PTPRD: variants seen among roughly 807,000 people sequenced by gnomAD.
PTPRD encodes the protein receptor-type tyrosine-protein phosphatase delta.
PTPRD carries 34 observed loss-of-function variants against 214.5 expected under a neutral mutation model. That is an observed-to-expected ratio of 0.16 (90% CI 0.12 to 0.21). The LOEUF is 0.21. Among genes scored for constraint, PTPRD ranks in the 10% least tolerant of loss-of-function variants. PTPRD has a pLI of 1.00. For missense variants in PTPRD, 2,545 were observed against 2,398.7 expected (o/e 1.06, Z -1.27); for synonymous variants, 1,128 against 845.7 (o/e 1.33, Z -5.79).
intron 10 of PTPRD, among the ~76,000 whole-genome samples, chr9:9,100,396 G>T (rs576216924): frequency 1.3e-5 from 2 of 152,220 alleles, no homozygotes; most frequent in East Asian, 3.9e-4. Context: ...AAATGTATCT[G>T]TAGTGACACA....
At chr9:9,825,384 G>A (rs1312858267) in intron 5 of PTPRD, among the ~76,000 whole-genome samples, 2 of 146,710 alleles carry the variant, frequency 1.4e-5, no homozygotes, top group Non-Finnish European at 3.0e-5. Context: ...CAGAGAGACA[G>A]AGAGAGAGAG....
At chr9:10,567,952 T>C (rs1333820127) in intron 2 of PTPRD, among the ~76,000 whole-genome samples, 2 of 151,494 alleles carry the variant, frequency 1.3e-5, no homozygotes, top group Non-Finnish European at 2.9e-5. Flanking sequence ...ATTTTATTTA[T>C]TTGTTATTTT....
chr9:8,959,271 G>A (rs2099147010), intron 11 of PTPRD, among the ~76,000 whole-genome samples: 1 of 152,020 alleles, frequency 6.6e-6, no homozygotes, highest in Non-Finnish European at 1.5e-5. Context: ...ACAGCAGGAT[G>A]CTATGGAAAC....
In PTPRD at chr9:8,485,301, T is replaced by G. The variant is rs1357554274; in HGVS notation, c.3079A>C (p.Lys1027Gln). ...DQVFAKNFHVKAVMKTSVLLS... is the reference protein window; with the variant it reads ...DQVFAKNFHVQAVMKTSVLLS... ...AACACGGAAGTCTTCATTACTGCTT[T>G]GACATGAAAATTTTTTGCAAACACT... is the stretch of plus-strand genomic sequence containing the variant. Residue 1027 changes from lysine to glutamine, a missense_variant, in exon 29 of 46, where the codon AAA becomes CAA. Coordinates refer to ENST00000381196, the MANE Select transcript of PTPRD (RefSeq NM_002839.4). 2.5e-6 allele frequency: 4 copies of G among 1,614,086 alleles called. No individual in the cohort carries two copies. Among genetic ancestry groups the G allele is most frequent in the Non-Finnish European group, 3.4e-6 (4 of 1,179,972 alleles).
chr9:8,947,942 G>C (rs1161312624), intron 11 of PTPRD, among the ~76,000 whole-genome samples: 1 of 151,496 alleles, frequency 6.6e-6, no homozygotes, highest in African/African-American at 2.4e-5. Flanking sequence ...TCATTGCATC[G>C]AGGTTCAGTG....
At chr9:10,588,086 A>C (rs79254375) in intron 2 of PTPRD, among the ~76,000 whole-genome samples, 71 of 152,206 alleles carry the variant, frequency 4.7e-4, no homozygotes, top group Admixed American at 1.4e-3. Flanking sequence ...TGTTTTAGAA[A>C]GGGAATAAGA....
chr9:8,411,379 C>G (rs1243032270), intron 35 of PTPRD, among the ~76,000 whole-genome samples: 1 of 152,048 alleles, frequency 6.6e-6, no homozygotes, highest in African/African-American at 2.4e-5. Context: ...TCTTGGCTCA[C>G]TGCAACCTCT....
Position 8,849,171 on chromosome 9 carries a change from A to ATTTT in PTPRD, c.-103-115229_-103-115226dup, listed in dbSNP as rs746565485. ...TCAATTCTACTCAACTCAAAAAAAAATTTTTTTTTTTTTTTTTTTTTTGAG... is the reference window on the plus strand; with the variant it reads ...TCAATTCTACTCAACTCAAAAAAAAATTTTTTTTTTTTTTTTTTTTTTTTTTGAG... On this transcript the variant is annotated intron_variant, in intron 11 of 45. Transcript: ENST00000381196. Among the ~76,000 whole-genome samples the ATTTT allele has an allele frequency of 2.6e-3, 288 of 108,718 alleles. 2 individuals carry two copies. The highest frequency in any genetic ancestry group is 5.0e-3 in the South Asian group (14 of 2,826). 71.3% of individuals were successfully genotyped at this position (108,718 alleles called of 152,430 possible).
At chr9:10,512,036 ATATATATACACACACG>A (rs1433127858) in intron 2 of PTPRD, among the ~76,000 whole-genome samples, 2 of 129,440 alleles carry the variant, frequency 1.5e-5, no homozygotes, top group Non-Finnish European at 3.3e-5. Context: ...ATATGTATAT[ATATATATACACACACG>A]TATATATATA....
At chr9:9,968,661 A>C (rs1383455049) in intron 4 of PTPRD, among the ~76,000 whole-genome samples, 3 of 152,258 alleles carry the variant, frequency 2.0e-5, no homozygotes, top group Non-Finnish European at 4.4e-5. Context: ...TCCTTTCTTT[A>C]TGAATTCTGA....
At chr9:8,581,735 A>G (rs2093134680) in intron 14 of PTPRD, among the ~76,000 whole-genome samples, 1 of 149,944 alleles carries the variant, frequency 6.7e-6, no homozygotes, top group Non-Finnish European at 1.5e-5. Flanking sequence ...CGACAGAGCG[A>G]GACTCCATCT....
chr9:8,741,122 T>C (rs1237097346), intron 11 of PTPRD, among the ~76,000 whole-genome samples: 3 of 152,142 alleles, frequency 2.0e-5, no homozygotes, highest in Non-Finnish European at 4.4e-5. Context: ...TTTTCAAGGA[T>C]GGCAAAATGA....
chr9:9,527,380 T>A (rs2074366479), intron 8 of PTPRD, among the ~76,000 whole-genome samples: 1 of 152,208 alleles, frequency 6.6e-6, no homozygotes, highest in African/African-American at 2.4e-5. Context: ...AGACACCATG[T>A]GAAGCGTGGG....
chr9:9,935,809 A>G (rs1167025265), intron 5 of PTPRD, among the ~76,000 whole-genome samples: 37 of 147,876 alleles, frequency 2.5e-4, no homozygotes, highest in South Asian at 8.4e-4. Context: ...GAGGCATCAC[A>G]CTACCTGACT....
At chr9:9,216,384 C>T (rs560472006) in intron 9 of PTPRD, among the ~76,000 whole-genome samples, 38 of 152,252 alleles carry the variant, frequency 2.5e-4, no homozygotes, top group African/African-American at 8.4e-4. Context: ...CTACTTGCTT[C>T]GCAGGGTTAC....
At chr9:8,901,147 G>C (rs2098665642) in intron 11 of PTPRD, among the ~76,000 whole-genome samples, 1 of 152,164 alleles carries the variant, frequency 6.6e-6, no homozygotes, top group African/African-American at 2.4e-5. Context: ...AGAGTTTTCA[G>C]TGAGCTTCAT....
intron 3 of PTPRD, among the ~76,000 whole-genome samples, chr9:10,051,536 G>C (rs1218198887): frequency 1.3e-5 from 2 of 151,714 alleles, no homozygotes; most frequent in Non-Finnish European, 2.9e-5. Flanking sequence ...TGCCATGTTG[G>C]TGTGCTGCAC....
At chr9:10,194,964 A>G (rs1247190062) in intron 3 of PTPRD, among the ~76,000 whole-genome samples, 1 of 148,974 alleles carries the variant, frequency 6.7e-6, no homozygotes, top group Non-Finnish European at 1.5e-5. Flanking sequence ...TTTTTGAGAC[A>G]GAGTCTTGTT....
At chr9:9,171,779 C>A (rs2099920144) in intron 10 of PTPRD, among the ~76,000 whole-genome samples, 1 of 151,886 alleles carries the variant, frequency 6.6e-6, no homozygotes, top group South Asian at 2.1e-4. Flanking sequence ...TATGTAACAG[C>A]CTCTTGGCAT....
Sources: gnomAD v4.1 joint callset for allele counts (sites outside exome capture counted in the v4.1 genomes callset) on GRCh38, gnomAD v4.1.1 for gene constraint, MANE v1.5 for transcripts, NCBI Gene and HGNC (gene_info 2026-07-23, HGNC 2026-07-21) for gene names.